CMTM8: variants seen among roughly 807,000 people sequenced by gnomAD.
CMTM8 encodes CKLF-like MARVEL transmembrane domain-containing protein 8.
Under a neutral mutation model 18.6 loss-of-function variants are expected in CMTM8, and 12 were observed. The observed-to-expected ratio is 0.65, with a 90% confidence interval of 0.41 to 1.05. The LOEUF is 1.05. Ranked by LOEUF, CMTM8 falls within the 50% of genes least tolerant of loss-of-function variation. CMTM8 has a pLI of 0.00. For missense variants in CMTM8, 217 were observed against 227.2 expected (o/e 0.95, Z 0.29); for synonymous variants, 87 against 90.6 (o/e 0.96, Z 0.23).
intron 1 of CMTM8, among the ~76,000 whole-genome samples, chr3:32,295,588 T>A (rs9827216): frequency 0.029 from 4,447 of 151,572 alleles, 229 homozygotes; most frequent in African/African-American, 0.1. Flanking sequence ...TAAGCATAGA[T>A]CCAACTATTG....
chr3:32,302,527 A>G (rs1332584447), intron 1 of CMTM8, among the ~76,000 whole-genome samples: 1 of 152,202 alleles, frequency 6.6e-6, no homozygotes, highest in Admixed American at 6.5e-5. Context: ...AAGGCTCCCA[A>G]AAGGCGATTG....
At chr3:32,365,314 AGAG>A (rs1347055962) in intron 2 of CMTM8, among the ~76,000 whole-genome samples, 1 of 151,286 alleles carries the variant, frequency 6.6e-6, no homozygotes, top group African/African-American at 2.4e-5. Flanking sequence ...AAAAAAAAAA[AGAG>A]AGAAAGAGAA....
At chr3:32,282,823 G>A (rs141771645) in intron 1 of CMTM8, among the ~76,000 whole-genome samples, 1 of 152,260 alleles carries the variant, frequency 6.6e-6, no homozygotes, top group East Asian at 1.9e-4. Context: ...TGCTGCTTTT[G>A]TGACACAGCA....
intron 1 of CMTM8, among the ~76,000 whole-genome samples, chr3:32,338,332 C>G (rs1376382720): frequency 6.6e-6 from 1 of 152,128 alleles, no homozygotes; most frequent in African/African-American, 2.4e-5. Flanking sequence ...GGTTCCTCAG[C>G]ACCCTTAGCC....
intron 2 of CMTM8, among the ~76,000 whole-genome samples, chr3:32,365,303 G>GAA (rs71630518): frequency 0.17 from 23,905 of 144,594 alleles, 2,225 homozygotes; most frequent in East Asian, 0.26. Context: ...CGGTATTTGA[G>GAA]AAAAAAAAAA....
chr3:32,322,851 G>A (rs1696083544), intron 1 of CMTM8, among the ~76,000 whole-genome samples: 1 of 152,224 alleles, frequency 6.6e-6, no homozygotes, highest in Non-Finnish European at 1.5e-5. Flanking sequence ...GAGTAATCCA[G>A]AGACAGAGAA....
intron 1 of CMTM8, among the ~76,000 whole-genome samples, chr3:32,313,175 A>C (rs1695852499): frequency 6.6e-6 from 1 of 152,088 alleles, no homozygotes; most frequent in Admixed American, 6.6e-5. Flanking sequence ...GCCCCTGGTG[A>C]AACCCCACCT....
At chr3:32,328,769 G>A (rs4955279) in intron 1 of CMTM8, among the ~76,000 whole-genome samples, 129,381 of 152,120 alleles carry the variant, frequency 0.85, 55,192 homozygotes, top group East Asian at 1. Flanking sequence ...AGAAACCTAC[G>A]ACCTACCAAG....
chr3:32,302,990 A>G (rs536402852), intron 1 of CMTM8, among the ~76,000 whole-genome samples: 1 of 152,240 alleles, frequency 6.6e-6, no homozygotes, highest in South Asian at 2.1e-4. Context: ...TATTAAACCA[A>G]TTTCGTCTCT....
chr3:32,321,743 G>A lies in CMTM8; in HGVS notation c.148-35630G>A, dbSNP rs570252167. ...CTCCCAAGTGGCTGGGACTACAGGC[G>A]CATGCCACCACACCTGGTAATTTTT... is the stretch of plus-strand genomic sequence containing the variant. On this transcript the variant is annotated intron_variant, in intron 1 of 3. Transcript: ENST00000307526. Among the ~76,000 whole-genome samples the A allele has an allele frequency of 3.1e-4, 47 of 152,164 alleles. 1 individual carries two copies. The highest frequency in any genetic ancestry group is 9.9e-4 in the African/African-American group (41 of 41,508).
chr3:32,312,458 A>T (rs1695837958), intron 1 of CMTM8, among the ~76,000 whole-genome samples: 1 of 150,888 alleles, frequency 6.6e-6, no homozygotes, highest in Non-Finnish European at 1.5e-5. Context: ...ATTACAAAGG[A>T]TACAGATGAA....
At chr3:32,286,379 AC>A (rs780098005) in intron 1 of CMTM8, among the ~76,000 whole-genome samples, 2 of 152,198 alleles carry the variant, frequency 1.3e-5, no homozygotes, top group Non-Finnish European at 2.9e-5. Context: ...CAGTTTGTGC[AC>A]TGTGATGGGC....
At chr3:32,334,498 C>T (rs1216673198) in intron 1 of CMTM8, among the ~76,000 whole-genome samples, 4 of 151,388 alleles carry the variant, frequency 2.6e-5, no homozygotes, top group African/African-American at 9.7e-5. Context: ...CCCAGACACT[C>T]GGGAGGCTGA....
In CMTM8 at chr3:32,321,335, C is replaced by T. The variant is rs998285212; in HGVS notation, c.148-36038C>T. Among the ~76,000 whole-genome samples, 15 of 152,048 alleles carry T rather than the reference C, an allele frequency of 9.9e-5. No homozygotes were observed. In the East Asian group the frequency reaches 1.5e-3, roughly 16 times the overall value. On this transcript the variant is annotated intron_variant, in intron 1 of 3. Transcript: ENST00000307526. Reference sequence around the variant, plus strand: ...GAAGAGGGGCAGGAACGCATTCACCCGGGTGTGCACGTGCGACGGGGGCTT... The same window carrying T: ...GAAGAGGGGCAGGAACGCATTCACCTGGGTGTGCACGTGCGACGGGGGCTT...
intron 1 of CMTM8, among the ~76,000 whole-genome samples, chr3:32,261,737 C>T (rs1306581930): frequency 6.6e-6 from 1 of 152,154 alleles, no homozygotes; most frequent in African/African-American, 2.4e-5. Context: ...TTTGAGGAAA[C>T]AGTTCTTAAA....
chr3:32,326,817 G>A (rs1696168061), intron 1 of CMTM8, among the ~76,000 whole-genome samples: 1 of 152,072 alleles, frequency 6.6e-6, no homozygotes, highest in African/African-American at 2.4e-5. Flanking sequence ...GGCACAGTCA[G>A]TCTGGTCTTT....
At chr3:32,369,800 G>A (rs17029319) in intron 3 of CMTM8, 84 bp from the exon 4 acceptor site, 16,496 of 763,882 alleles carry the variant, frequency 0.022, 317 homozygotes, top group South Asian at 0.054. Context: ...TAGTGAGTGG[G>A]TGATTCAATG....
intron 1 of CMTM8, among the ~76,000 whole-genome samples, chr3:32,243,298 A>G (rs1394162301): frequency 6.6e-6 from 1 of 151,842 alleles, no homozygotes; most frequent in East Asian, 2.0e-4. Flanking sequence ...TGGGAGGCTG[A>G]GGCCAGCAGA....
intron 1 of CMTM8, among the ~76,000 whole-genome samples, chr3:32,335,068 TC>T (rs1696360428): frequency 6.6e-6 from 1 of 152,208 alleles, no homozygotes. Context: ...TACTGTTGTT[TC>T]CTGAGTAATA....
Sources: allele counts gnomAD v4.1 joint callset (sites outside exome capture counted in the v4.1 genomes callset), GRCh38; gene constraint gnomAD v4.1.1; transcripts MANE v1.5; gene names NCBI Gene and HGNC (gene_info 2026-07-23, HGNC 2026-07-21).